The following SRP72 variants were observed in gnomAD, a reference collection of about 807,000 sequenced individuals.
SRP72 encodes the protein signal recognition particle subunit SRP72.
In SRP72, 49 loss-of-function variants were observed where a neutral mutation model predicts 96.3. The ratio of observed to expected loss-of-function variants is 0.51; its 90% confidence interval spans 0.40 to 0.65. The LOEUF is 0.65. SRP72 is among the 30% of genes least tolerant of loss of function. SRP72 has a pLI of 0.00. For synonymous variants in SRP72, 267 were observed against 275.2 expected (o/e 0.97, Z 0.30); for missense variants, 736 against 793.3 (o/e 0.93, Z 0.87).
chr4:56,491,036 C>T (rs1338356628), intron 15 of SRP72, among the ~76,000 whole-genome samples: 1 of 152,118 alleles, frequency 6.6e-6, no homozygotes, highest in Non-Finnish European at 1.5e-5. Context: ...ATTTGGTGCC[C>T]TTATTGAGCT....
At chr4:56,477,465 C>A (rs1417420339) in intron 6 of SRP72, among the ~76,000 whole-genome samples, 1 of 151,690 alleles carries the variant, frequency 6.6e-6, no homozygotes, top group South Asian at 2.1e-4. Flanking sequence ...TTATTTTCTT[C>A]TTTGTAGAGA....
rs1720873010 is a variant in SRP72, at chr4:56,490,618, CACTT to C, written c.1476_1479del (p.Leu493Ter). ...CTGGCACAGCTTATTTCTGCTTACT[CACTT>C]GTAGATCCAGAGAAAGCCAAAGCGT... is the stretch of plus-strand genomic sequence containing the variant. On this transcript the variant is annotated frameshift_variant, in exon 15 of 19. Transcript: ENST00000642900. LOFTEE classifies it high-confidence loss of function. 2 of 1,613,846 alleles carry C rather than the reference CACTT, an allele frequency of 1.2e-6. No homozygotes were observed. Among genetic ancestry groups the C allele is most frequent in the Non-Finnish European group, 1.7e-6 (2 of 1,179,924 alleles).
intron 11 of SRP72, among the ~76,000 whole-genome samples, chr4:56,486,658 TC>T (rs1023889915): frequency 2.6e-5 from 4 of 152,148 alleles, no homozygotes; most frequent in African/African-American, 9.7e-5. Flanking sequence ...ATTCCTCTCT[TC>T]CAAAAGACCA....
chr4:56,495,887 C>G (rs1389831469), intron 17 of SRP72, among the ~76,000 whole-genome samples: 1 of 152,168 alleles, frequency 6.6e-6, no homozygotes, highest in East Asian at 1.9e-4. Flanking sequence ...CCTCTTTGTT[C>G]TGCTCTCCAC....
intron 18 of SRP72, among the ~76,000 whole-genome samples, chr4:56,501,430 CAAA>C (rs1230435060): frequency 1.3e-5 from 2 of 151,744 alleles, no homozygotes; most frequent in Non-Finnish European, 2.9e-5. Context: ...GACTCTGTCT[CAAA>C]AAAATAAAAT....
intron 13 of SRP72, 100 bp downstream of exon 13, chr4:56,489,583 T>C (rs1402149712): frequency 1.1e-5 from 6 of 569,266 alleles, no homozygotes; most frequent in Non-Finnish European, 1.2e-5. Context: ...CACGTCACTA[T>C]TTTAAAAGTG....
At chr4:56,486,432 A>T in intron 11 of SRP72, 35 bp downstream of exon 11, 1 of 1,519,430 alleles carries the variant, frequency 6.6e-7, no homozygotes, top group African/African-American at 1.4e-5. Context: ...AAATATTTTA[A>T]TGAAAACATG....
intron 6 of SRP72, 86 bp from the exon 7 acceptor site, chr4:56,478,293 G>T (rs967009809): frequency 2.9e-6 from 4 of 1,360,248 alleles, no homozygotes; most frequent in Non-Finnish European, 3.9e-6. Flanking sequence ...CTTCAGGATT[G>T]TATCTCTTTT....
intron 12 of SRP72, among the ~76,000 whole-genome samples, chr4:56,488,449 GGTA>G (rs1193989586): frequency 6.6e-6 from 1 of 152,124 alleles, no homozygotes; most frequent in Non-Finnish European, 1.5e-5. Flanking sequence ...ATTCTGTAGT[GGTA>G]GTATGTGCAT....
At chr4:56,493,393 A>C (rs187223849) in intron 16 of SRP72, among the ~76,000 whole-genome samples, 401 of 152,258 alleles carry the variant, frequency 2.6e-3, no homozygotes, top group Middle Eastern at 6.8e-3. Flanking sequence ...TAAGCTTTTA[A>C]GTTTCAGCAC....
chr4:56,472,449 G>A (rs762746635), intron 3 of SRP72, among the ~76,000 whole-genome samples: 8 of 150,278 alleles, frequency 5.3e-5, no homozygotes, highest in African/African-American at 7.4e-5. Context: ...AGGTTCAAGC[G>A]ATTCTCCTGC....
chr4:56,486,661 A>G (rs1348891538), intron 11 of SRP72, among the ~76,000 whole-genome samples: 1 of 152,224 alleles, frequency 6.6e-6, no homozygotes, highest in Non-Finnish European at 1.5e-5. Flanking sequence ...CCTCTCTTCC[A>G]AAAGACCATA....
intron 2 of SRP72, among the ~76,000 whole-genome samples, 161 bp from the exon 3 acceptor site, chr4:56,471,559 A>G (rs1182828792): frequency 2.0e-5 from 3 of 152,244 alleles, no homozygotes; most frequent in East Asian, 1.9e-4. Context: ...TTTGATTGAT[A>G]TACATTTACA....
intron 16 of SRP72, 173 bp from the exon 17 acceptor site, chr4:56,495,184 A>C (rs192655284): frequency 2.5e-6 from 1 of 407,554 alleles, no homozygotes; most frequent in Admixed American, 4.3e-5. Context: ...TCTGAAGCTT[A>C]ATTGACTTTA....
Position 56,467,631 on chromosome 4 carries a change from C to G in SRP72, c.-5C>G. The G allele has an allele frequency of 1.3e-6, 2 of 1,555,992 alleles. No individual in the cohort carries two copies. The highest frequency in any genetic ancestry group is 8.7e-7 in the Non-Finnish European group (1 of 1,152,546). Reference sequence around the variant, plus strand: ...CTCCCCGCCCCGCCCCTCGTCTCCTCCAAGATGGCGAGCGGCGGCAGCGGG... The same window carrying G: ...CTCCCCGCCCCGCCCCTCGTCTCCTGCAAGATGGCGAGCGGCGGCAGCGGG... On this transcript the variant is annotated 5_prime_UTR_variant, in exon 1 of 19. Transcript: ENST00000642900.
At chr4:56,490,261 A>G in intron 13 of SRP72, 72 bp from the exon 14 acceptor site, 1 of 1,194,082 alleles carries the variant, frequency 8.4e-7, no homozygotes, top group East Asian at 2.3e-5. Flanking sequence ...TTAAAGGTCT[A>G]ATGAATATAA....
chr4:56,495,416 T>C (rs199813677), intron 17 of SRP72, 22 bp downstream of exon 17: 61 of 1,446,138 alleles, frequency 4.2e-5, no homozygotes, highest in East Asian at 9.4e-5. Flanking sequence ...AAAAAGTCTT[T>C]ATAAATTTTC....
Position 56,502,031 on chromosome 4 carries a change from A to G in SRP72, c.*170A>G. 2.8e-6 allele frequency: 2 copies of G among 712,476 alleles called. No homozygotes were observed. The highest frequency in any genetic ancestry group is 4.7e-6 in the Non-Finnish European group (2 of 427,074). 44.1% of individuals were successfully genotyped at this position (712,476 alleles called of 1,614,324 possible). ...TCTTCCTCAAAGTCTGCCTAGTGAGATATGGCCTACTGGTTGCCTCATAGC... is the reference window on the plus strand; with the variant it reads ...TCTTCCTCAAAGTCTGCCTAGTGAGGTATGGCCTACTGGTTGCCTCATAGC... On this transcript the variant is annotated 3_prime_UTR_variant, in exon 19 of 19. Transcript: ENST00000642900.
chr4:56,483,014 G>GC, intron 8 of SRP72, 125 bp from the exon 9 acceptor site: 1 of 780,790 alleles, frequency 1.3e-6, no homozygotes, highest in Admixed American at 3.0e-5. Context: ...CATCTTATTA[G>GC]CTTAGGCACC....
Sources: gnomAD v4.1 joint callset for allele counts (sites outside exome capture counted in the v4.1 genomes callset) on GRCh38, gnomAD v4.1.1 for gene constraint, MANE v1.5 for transcripts, NCBI Gene and HGNC (gene_info 2026-07-23, HGNC 2026-07-21) for gene names.